Variants in ADGRB3 observed in about 807,000 individuals in gnomAD.
The protein encoded by ADGRB3 is brain-specific angiogenesis inhibitor 3.
In ADGRB3, 37 loss-of-function variants were observed where a neutral mutation model predicts 193.4. The observed-to-expected ratio is 0.19, with a 90% CI of 0.15 to 0.25. The LOEUF (loss-of-function observed/expected upper bound fraction) is 0.25, where lower values mean the gene tolerates loss of function less well. ADGRB3 is among the 10% of genes least tolerant of loss of function. The pLI, the probability that ADGRB3 is intolerant of heterozygous loss-of-function variation, is 1.00. For synonymous variants in ADGRB3, 690 were observed against 644.2 expected (o/e 1.07, Z -1.08); for missense variants, 1,637 against 1,852.9 (o/e 0.88, Z 2.14).
intron 25 of ADGRB3, 78 bp downstream of exon 25, chr6:69,339,092 T>A: frequency 2.7e-6 from 4 of 1,489,016 alleles, no homozygotes; most frequent in South Asian, 1.2e-5. Context: ...TGAAAAAAAA[T>A]TGTGTTTTCT....
intron 17 of ADGRB3, among the ~76,000 whole-genome samples, chr6:69,199,031 A>G (rs115682578): frequency 1.5e-3 from 229 of 152,234 alleles, no homozygotes; most frequent in African/African-American, 5.1e-3. Context: ...GGTTCTGTCA[A>G]AGCAGGCAAG....
intron 8 of ADGRB3, among the ~76,000 whole-genome samples, chr6:68,974,220 A>G (rs1353743882): frequency 6.6e-6 from 1 of 152,194 alleles, no homozygotes; most frequent in Admixed American, 6.5e-5. Flanking sequence ...GCAAATCCAA[A>G]TGACCTCTAT....
intron 3 of ADGRB3, among the ~76,000 whole-genome samples, chr6:68,649,665 T>C (rs921141810): frequency 6.6e-6 from 1 of 152,234 alleles, no homozygotes; most frequent in Non-Finnish European, 1.5e-5. Context: ...TCTTGGATTT[T>C]TACTTTATTA....
At chr6:68,893,702 A>G (rs1315621708) in intron 3 of ADGRB3, among the ~76,000 whole-genome samples, 1 of 152,008 alleles carries the variant, frequency 6.6e-6, no homozygotes, top group African/African-American at 2.4e-5. Flanking sequence ...CAAAGGTATC[A>G]GTTTAATTAA....
chr6:69,159,499 C>T (rs1021768376), intron 17 of ADGRB3, among the ~76,000 whole-genome samples: 8 of 151,958 alleles, frequency 5.3e-5, no homozygotes, highest in African/African-American at 7.3e-5. Context: ...ATGAACTGAA[C>T]CCTGGCTCAG....
intron 10 of ADGRB3, among the ~76,000 whole-genome samples, chr6:68,986,398 T>A (rs1400698343): frequency 6.6e-6 from 1 of 152,158 alleles, no homozygotes; most frequent in Non-Finnish European, 1.5e-5. Context: ...ATCTGCCCTA[T>A]CATATCGTCT....
At chr6:69,065,764 T>C (rs2343399) in intron 16 of ADGRB3, among the ~76,000 whole-genome samples, 50,357 of 127,816 alleles carry the variant, frequency 0.39, 10,695 homozygotes, top group East Asian at 0.89. Context: ...TGTATATATA[T>C]ACACACACAC....
intron 31 of ADGRB3, among the ~76,000 whole-genome samples, chr6:69,387,085 C>T (rs927754591): frequency 2.0e-5 from 3 of 152,170 alleles, no homozygotes; most frequent in Non-Finnish European, 4.4e-5. Context: ...TAAAGCATAT[C>T]GCTGTTTTGC....
At chr6:68,995,065 A>G (rs1769345693) in intron 11 of ADGRB3, among the ~76,000 whole-genome samples, 1 of 152,196 alleles carries the variant, frequency 6.6e-6, no homozygotes, top group South Asian at 2.1e-4. Context: ...GCTGAATTCT[A>G]TATTAAATCA....
intron 20 of ADGRB3, among the ~76,000 whole-genome samples, chr6:69,297,583 G>A (rs761168294): frequency 1.2e-4 from 18 of 152,034 alleles, no homozygotes; most frequent in Middle Eastern, 3.4e-3. Flanking sequence ...AATATTGGTT[G>A]TCAAAGGTCT....
chr6:69,096,933 T>A (rs1474461994), intron 17 of ADGRB3, among the ~76,000 whole-genome samples: 1 of 152,222 alleles, frequency 6.6e-6, no homozygotes, highest in Non-Finnish European at 1.5e-5. Flanking sequence ...GAATTTGCAT[T>A]GAGTCTTTGA....
chr6:68,744,622 C>G (rs746779695), intron 3 of ADGRB3, among the ~76,000 whole-genome samples: 2 of 152,052 alleles, frequency 1.3e-5, no homozygotes, highest in Non-Finnish European at 2.9e-5. Context: ...TCATTCTCAG[C>G]AAACTATCAC....
chr6:69,303,442 C>G (rs1464012433), intron 20 of ADGRB3, among the ~76,000 whole-genome samples: 1 of 151,864 alleles, frequency 6.6e-6, no homozygotes, highest in Non-Finnish European at 1.5e-5. Context: ...TCCTCCTCAG[C>G]CTACTCAACA....
At chr6:69,155,060 G>C (rs314210) in intron 17 of ADGRB3, among the ~76,000 whole-genome samples, 147,429 of 152,296 alleles carry the variant, frequency 0.97, 71,543 homozygotes, top group East Asian at 1. Flanking sequence ...AGCAATGAAA[G>C]TCTTAATAGA....
chr6:69,160,346 C>T (rs1774949603), intron 17 of ADGRB3, among the ~76,000 whole-genome samples: 1 of 152,080 alleles, frequency 6.6e-6, no homozygotes, highest in Non-Finnish European at 1.5e-5. Flanking sequence ...CCCCTTCACT[C>T]ACTCAACTCA....
intron 17 of ADGRB3, among the ~76,000 whole-genome samples, chr6:69,144,121 T>G (rs1371644111): frequency 6.6e-6 from 1 of 152,162 alleles, no homozygotes; most frequent in Non-Finnish European, 1.5e-5. Context: ...TCCTAAGTAT[T>G]TAATTTTATT....
intron 20 of ADGRB3, among the ~76,000 whole-genome samples, chr6:69,239,880 T>C (rs1766348725): frequency 6.6e-6 from 1 of 152,070 alleles, no homozygotes; most frequent in African/African-American, 2.4e-5. Context: ...TGAAATGTAT[T>C]TTAAGAAACC....
chr6:68,851,463 A>T (rs1768401358), intron 3 of ADGRB3, among the ~76,000 whole-genome samples: 1 of 151,922 alleles, frequency 6.6e-6, no homozygotes, highest in Non-Finnish European at 1.5e-5. Flanking sequence ...TAATCTTTAA[A>T]GTTCTGCATA....
intron 17 of ADGRB3, among the ~76,000 whole-genome samples, chr6:69,097,716 A>C (rs367888823): frequency 2.0e-5 from 3 of 148,354 alleles, no homozygotes; most frequent in African/African-American, 7.3e-5. Context: ...GTGTGTGTGT[A>C]TATATGGCTA....
Sources: allele counts gnomAD v4.1 joint callset (sites outside exome capture counted in the v4.1 genomes callset), GRCh38; gene constraint gnomAD v4.1.1; transcripts MANE v1.5; gene names NCBI Gene and HGNC (gene_info 2026-07-23, HGNC 2026-07-21).